HNF1A: variants seen among roughly 807,000 people sequenced by gnomAD.
HNF1A encodes the protein hepatocyte nuclear factor 1-alpha.
Under a neutral mutation model 62.2 loss-of-function variants are expected in HNF1A, and 21 were observed. The observed-to-expected ratio is 0.34, with a 90% CI of 0.24 to 0.49. HNF1A has a LOEUF of 0.49. Among genes scored for constraint, HNF1A ranks in the 20% least tolerant of loss-of-function variants. The pLI is 0.99. For missense variants in HNF1A, 687 were observed against 832.3 expected, an observed-to-expected ratio of 0.83 and a Z score of 2.15; for synonymous variants, 374 against 366.8, an observed-to-expected ratio of 1.02 and a Z score of -0.22.
chr12:120,990,465 G>A (rs565211120), intron 2 of HNF1A, among the ~76,000 whole-genome samples: 1 of 135,486 alleles, frequency 7.4e-6, no homozygotes, highest in African/African-American at 3.1e-5. Flanking sequence ...AAATAGCCAG[G>A]CATGGTGGTG....
In HNF1A at chr12:121,002,013, AC is replaced by A. The variant is rs56388051; in HGVS notation, c.*824del. 1,993 of 536,516 alleles carry A rather than the reference AC, an allele frequency of 3.7e-3. 34 individuals carry two copies. Among genetic ancestry groups the A allele is most frequent in the African/African-American group, 0.033 (1,801 of 53,962 alleles). The allele number at this position is 536,516 out of a possible 1,614,324, so 33.2% of individuals were successfully genotyped here. On this transcript the variant is annotated 3_prime_UTR_variant, in exon 10 of 10. Transcript: ENST00000257555. ...TCCTTACTCCTGTGGGAGCCTCGCA[AC>A]CCGTGCCAAGTCCAGGTCCTGGTGG...
chr12:120,979,025 T>A lies in HNF1A; in HGVS notation c.257T>A (p.Leu86His), dbSNP rs200442958. ...DDGEDFTPPI[L>H]KELENLSPEE... is the part of the protein sequence containing the mutation. Reference sequence around the variant, plus strand: ...GGGGAAGACTTCACGCCACCCATCCTCAAAGAGCTGGAGAACCTCAGCCCT... The same window carrying A: ...GGGGAAGACTTCACGCCACCCATCCACAAAGAGCTGGAGAACCTCAGCCCT... The change falls in exon 1 of 10, where the codon CTC (leucine) becomes CAC (histidine). Residue 86 changes from leucine to histidine, a missense_variant. Physicochemically the swap from Leu to His is moderately conservative, Grantham distance 99. Around this residue, in one of 5 missense-constraint regions of HNF1A, gnomAD observed 159 missense variants for 154.4 expected, o/e 1.03. Transcript: ENST00000257555. 84 of 1,611,114 alleles carry A rather than the reference T, an allele frequency of 5.2e-5. No homozygotes were observed. The highest frequency in any genetic ancestry group is 7.0e-5 in the Non-Finnish European group (83 of 1,178,868).
At chr12:120,992,447 T>C (rs1876884876) in intron 2 of HNF1A, among the ~76,000 whole-genome samples, 1 of 152,210 alleles carries the variant, frequency 6.6e-6, no homozygotes, top group Non-Finnish European at 1.5e-5. Flanking sequence ...AGGCTAGTTT[T>C]GAACTTCCGG....
rs200502496 is a variant in HNF1A, at chr12:120,993,716, C to A, written c.713+10C>A. ...TGGAGGAGTGCAATAGGTACAACGG[C>A]GGGCGGGAAACAGTGCTGGTTTGGT... On this transcript the variant is annotated intron_variant, in intron 3 of 9. Coordinates refer to ENST00000257555, the MANE Select transcript of HNF1A (RefSeq NM_000545.8). 1 of 1,613,160 alleles carries A rather than the reference C, an allele frequency of 6.2e-7. No homozygotes were observed. The highest frequency in any genetic ancestry group is 8.5e-7 in the Non-Finnish European group (1 of 1,179,728).
chr12:120,999,231 C>T lies in HNF1A; in HGVS notation c.1502-37C>T, dbSNP rs376936156. 1.8e-5 allele frequency: 29 copies of T among 1,613,178 alleles called. No individual in the cohort carries two copies. In the African/African-American group the frequency reaches 2.5e-4, roughly 14 times the overall value. The stretch of plus-strand genomic sequence containing the variant: ...GGCCTGGGACTAGGGCTGTCAGGCA[C>T]GTCTGCCACGTCTGCCCCTCTCTCC... On this transcript the variant is annotated intron_variant, in intron 7 of 9. Coordinates refer to ENST00000257555, the MANE Select transcript of HNF1A (RefSeq NM_000545.8).
chr12:120,980,253 A>G (rs1222968530), intron 1 of HNF1A, among the ~76,000 whole-genome samples: 1 of 152,162 alleles, frequency 6.6e-6, no homozygotes, highest in Non-Finnish European at 1.5e-5. Flanking sequence ...CTCAATTGCT[A>G]TGACCGGGGA....
At position 120,978,961 on chromosome 12, in the gene HNF1A, G is replaced by T; in HGVS notation, c.193G>T (p.Gly65Trp). 1 of 1,608,208 alleles carries T rather than the reference G, an allele frequency of 6.2e-7. No individual in the cohort carries two copies. The highest frequency in any genetic ancestry group is 8.5e-7 in the Non-Finnish European group (1 of 1,177,460). The change falls in exon 1 of 10, where the codon GGG (glycine) becomes TGG (tryptophan). Residue 65 changes from glycine to tryptophan, a missense_variant. Gly to Trp is a radical substitution (Grantham distance 184). Coordinates refer to ENST00000257555, the MANE Select transcript of HNF1A (RefSeq NM_000545.8). ...GELAELPNGLGETRGSEDETD... is the reference protein window; with the variant it reads ...GELAELPNGLWETRGSEDETD... Reference sequence around the variant, plus strand: ...GCTGGCTGAGCTGCCCAATGGGCTGGGGGAGACTCGGGGCTCCGAGGACGA... The same window carrying T: ...GCTGGCTGAGCTGCCCAATGGGCTGTGGGAGACTCGGGGCTCCGAGGACGA...
At position 120,999,496 on chromosome 12, in the gene HNF1A, A is replaced by G; in HGVS notation, c.1637A>G (p.Asp546Gly). The G allele has an allele frequency of 1.9e-6, 3 of 1,613,676 alleles. No homozygotes were observed. Among genetic ancestry groups the G allele is most frequent in the Non-Finnish European group, 2.5e-6 (3 of 1,179,940 alleles). ...CTGCTCCCCCAGGTCTTCACCTCAG[A>G]CACTGAGGCCTCCAGTGAGTCCGGG... ...LTPTKQVFTS[D>G]TEASSESGLH... Residue 546 changes from aspartate (D) to glycine (G), a missense_variant, in exon 9 of 10, where the codon GAC becomes GGC. This residue lies in a region of HNF1A where 408 missense variants were observed against 455.3 expected (regional missense o/e 0.90). Coordinates refer to ENST00000257555, the MANE Select transcript of HNF1A (RefSeq NM_000545.8).
rs1266221277 is a variant in HNF1A, at chr12:120,991,625, TATGATGTATGTATGTATGCATGC to T, written c.527-1891_527-1869del. ...GTATGTATGTATGTATGTATGTATG[TATGATGTATGTATGTATGCATGC>T]ATGCATGCATGCAATAGACAACTCT... On this transcript the variant is annotated intron_variant, in intron 2 of 9. Coordinates refer to ENST00000257555, the MANE Select transcript of HNF1A (RefSeq NM_000545.8). Among the ~76,000 whole-genome samples, 84 of 31,704 alleles carry T rather than the reference TATGATGTATGTATGTATGCATGC, an allele frequency of 2.6e-3. 1 individual carries two copies. The South Asian group carries it at 0.073, about 28-fold the overall frequency. 20.8% of individuals were successfully genotyped at this position (31,704 alleles called of 152,430 possible). A position where few individuals can be genotyped will look rare whatever the true frequency, so the allele number is the denominator to read the frequency against.
At position 120,989,050 on chromosome 12, in the gene HNF1A, C is replaced by A. The variant is rs2135833045; in HGVS notation, c.526+18C>A. On this transcript the variant is annotated intron_variant, in intron 2 of 9. Coordinates refer to ENST00000257555, the MANE Select transcript of HNF1A (RefSeq NM_000545.8). ...GGCGCAGCGTAAGTAATGACCCTAC[C>A]CCGCATCTTCCCTGGGAGGGCCCAG... The A allele has an allele frequency of 6.2e-7, 1 of 1,612,744 alleles. No homozygotes were observed. The highest frequency in any genetic ancestry group is 8.5e-7 in the Non-Finnish European group (1 of 1,179,228).
At position 121,001,047 on chromosome 12, in the gene HNF1A, C is replaced by T. The variant is rs1297633535; in HGVS notation, c.1769-18C>T. 6.2e-7 allele frequency: 1 copy of T among 1,612,612 alleles called. No homozygotes were observed. Among genetic ancestry groups the T allele is most frequent in the Non-Finnish European group, 8.5e-7 (1 of 1,179,772 alleles). ...TGGGTGCCTGGTGGGTGGCTAGCAG[C>T]CTTGTTTGCCTCTGCAGTGTCCTCC... On this transcript the variant is annotated intron_variant, in intron 9 of 9. Transcript: ENST00000257555.
chr12:120,997,149 G>A, intron 6 of HNF1A: 2 of 1,407,456 alleles, frequency 1.4e-6, no homozygotes, highest in Middle Eastern at 2.7e-4. Context: ...TGCTAGGAGA[G>A]GGGAGCAGAG....
rs752884448 is a variant in HNF1A at position 120,996,348 on chromosome 12, C to T, written c.1042C>T (p.Leu348Phe). 6 of 1,614,192 alleles carry T rather than the reference C, an allele frequency of 3.7e-6. No homozygotes were observed. The highest frequency in any genetic ancestry group is 5.1e-6 in the Non-Finnish European group (6 of 1,180,036). The stretch of plus-strand genomic sequence containing the variant: ...TCCCTTAGTGACAGTGTCTACACCC[C>T]TCCACCAAGTGTCCCCCACGGGCCT... ...GGPLVTVSTPLHQVSPTGLEP... is the reference protein window; with the variant it reads ...GGPLVTVSTPFHQVSPTGLEP... The change falls in exon 5 of 10, where the codon CTC becomes TTC. Residue 348 changes from leucine to phenylalanine, a missense_variant. By Grantham distance (22) the Leu-to-Phe change is conservative. Coordinates refer to ENST00000257555, the MANE Select transcript of HNF1A (RefSeq NM_000545.8). This position sits in a 1 kb window ranked among gnomAD's most constrained non-coding sequence, Gnocchi z 4.5.
intron 7 of HNF1A, 32 bp from the exon 8 acceptor site, chr12:120,999,236 G>C (rs749063776): frequency 6.2e-7 from 1 of 1,613,314 alleles, no homozygotes; most frequent in Admixed American, 1.7e-5. Flanking sequence ...AGGCACGTCT[G>C]CCACGTCTGC....
intron 1 of HNF1A, chr12:120,979,740 C>CG (rs1876154783): frequency 1.3e-5 from 2 of 149,094 alleles, no homozygotes; most frequent in African/African-American, 4.9e-5. Context: ...GCGGACTCCC[C>CG]GTCTCCTGGA....
intron 1 of HNF1A, among the ~76,000 whole-genome samples, chr12:120,984,394 G>A (rs1200742634): frequency 6.6e-6 from 1 of 152,084 alleles, no homozygotes; most frequent in Non-Finnish European, 1.5e-5. Context: ...CAGATGGACA[G>A]GGGCACATAG....
chr12:120,997,343 G>A (rs1877161005), intron 6 of HNF1A, 131 bp from the exon 7 acceptor site: 1 of 1,334,024 alleles, frequency 7.5e-7, no homozygotes, highest in East Asian at 2.5e-5. Flanking sequence ...GTGGAGGGCT[G>A]TTTCCTGACC....
chr12:120,998,657 TGTCTGTGTGTCTCTTGTAGG>T (rs1424573503), intron 7 of HNF1A, among the ~76,000 whole-genome samples: 2 of 152,148 alleles, frequency 1.3e-5, no homozygotes, highest in Non-Finnish European at 2.9e-5. Context: ...GTTTTCCTAG[TGTCTGTGTGTCTCTTGTAGG>T]GTCTATGTGT....
chr12:120,986,642 C>G (rs1208034417), intron 1 of HNF1A, among the ~76,000 whole-genome samples: 1 of 152,212 alleles, frequency 6.6e-6, no homozygotes, highest in Non-Finnish European at 1.5e-5. Flanking sequence ...TGCAGTGGCG[C>G]GATCTCGGCT....
Sources: allele counts gnomAD v4.1 joint callset (sites outside exome capture counted in the v4.1 genomes callset), GRCh38; gene constraint gnomAD v4.1.1; regional missense constraint gnomAD v4.1.1; non-coding constraint Gnocchi (gnomAD v3.1); transcripts MANE v1.5; gene names NCBI Gene and HGNC (gene_info 2026-07-23, HGNC 2026-07-21).